CCSER1: variants seen among roughly 807,000 people sequenced by gnomAD.
CCSER1 encodes serine-rich coiled-coil domain-containing protein 1.
Under a neutral mutation model 82.0 loss-of-function variants are expected in CCSER1, and 41 were observed. The ratio of observed to expected loss-of-function variants is 0.50; its 90% CI spans 0.39 to 0.65. The LOEUF is 0.65. CCSER1 is among the 30% of genes least tolerant of loss of function. The probability of loss-of-function intolerance (pLI) is 0.00; values close to 1 mark genes in which losing one functional copy is unlikely to be tolerated. For missense variants in CCSER1, 1,119 were observed against 1,064.2 expected, an observed-to-expected ratio of 1.05 and a Z score of -0.72; for synonymous variants, 414 against 383.9, an observed-to-expected ratio of 1.08 and a Z score of -0.92.
At chr4:90,742,795 T>C (rs1561053786) in intron 7 of CCSER1, among the ~76,000 whole-genome samples, 1 of 152,200 alleles carries the variant, frequency 6.6e-6, no homozygotes, top group Non-Finnish European at 1.5e-5. Context: ...GACTTAAGTG[T>C]TTTATAATGA....
chr4:91,110,248 T>G (rs1352803133), intron 10 of CCSER1, among the ~76,000 whole-genome samples: 1 of 152,044 alleles, frequency 6.6e-6, no homozygotes, highest in Non-Finnish European at 1.5e-5. Context: ...AGCAATGTGA[T>G]GTTGAACAAG....
chr4:90,479,618 T>C (rs534487230), intron 5 of CCSER1, among the ~76,000 whole-genome samples: 5 of 151,606 alleles, frequency 3.3e-5, no homozygotes, highest in Non-Finnish European at 7.4e-5. Flanking sequence ...TAAGTGAGAA[T>C]ATGCGGTGTT....
chr4:90,939,223 A>T (rs1357472696), intron 9 of CCSER1, among the ~76,000 whole-genome samples: 1 of 152,202 alleles, frequency 6.6e-6, no homozygotes, highest in Non-Finnish European at 1.5e-5. Context: ...ATCAAGACCA[A>T]AATATGAAAG....
At chr4:90,674,986 T>G (rs2149171387) in intron 6 of CCSER1, among the ~76,000 whole-genome samples, 1 of 152,150 alleles carries the variant, frequency 6.6e-6, no homozygotes, top group Non-Finnish European at 1.5e-5. Flanking sequence ...AAATGCAGCA[T>G]ATGCTTAGTA....
chr4:91,393,717 C>T (rs1415679556), intron 10 of CCSER1, among the ~76,000 whole-genome samples: 2 of 151,564 alleles, frequency 1.3e-5, no homozygotes, highest in South Asian at 2.1e-4. Flanking sequence ...TTCTTTTTTT[C>T]AATATTTTAT....
intron 10 of CCSER1, among the ~76,000 whole-genome samples, chr4:91,443,796 A>AT (rs926125102): frequency 3.3e-5 from 5 of 149,832 alleles, no homozygotes; most frequent in African/African-American, 1.2e-4. Flanking sequence ...GAAAAATGGG[A>AT]TTTTTATTCA....
chr4:90,499,171 T>C (rs1023282543), intron 5 of CCSER1, among the ~76,000 whole-genome samples: 14 of 151,890 alleles, frequency 9.2e-5, no homozygotes, highest in Admixed American at 2.6e-4. Flanking sequence ...TGTGACATTT[T>C]AAGGCTTTAT....
At chr4:91,380,344 A>G (rs953689398) in intron 10 of CCSER1, among the ~76,000 whole-genome samples, 21 of 152,028 alleles carry the variant, frequency 1.4e-4, no homozygotes, top group African/African-American at 4.8e-4. Context: ...GTTGACAGTG[A>G]GGTGTTAAAG....
At chr4:91,344,543 G>T (rs565977780) in intron 10 of CCSER1, among the ~76,000 whole-genome samples, 1 of 152,004 alleles carries the variant, frequency 6.6e-6, no homozygotes, top group Non-Finnish European at 1.5e-5. Flanking sequence ...ATAATGCAGA[G>T]CTTCCTGTGG....
intron 9 of CCSER1, among the ~76,000 whole-genome samples, chr4:90,986,601 G>A (rs1178915351): frequency 1.3e-5 from 2 of 151,654 alleles, no homozygotes; most frequent in African/African-American, 4.8e-5. Context: ...GAATTAGAGA[G>A]TAGAGGCTAG....
At chr4:90,996,927 G>A (rs1248273255) in intron 9 of CCSER1, among the ~76,000 whole-genome samples, 3 of 151,984 alleles carry the variant, frequency 2.0e-5, no homozygotes, top group Admixed American at 2.0e-4. Flanking sequence ...GATTACTTCT[G>A]GTTGTTAAGT....
At chr4:91,397,375 C>T (rs560851281) in intron 10 of CCSER1, among the ~76,000 whole-genome samples, 1 of 152,078 alleles carries the variant, frequency 6.6e-6, no homozygotes, top group East Asian at 1.9e-4. Flanking sequence ...CCTAACATAG[C>T]CTTTATGCTG....
chr4:90,952,201 C>T (rs1732985502), intron 9 of CCSER1, among the ~76,000 whole-genome samples: 1 of 151,900 alleles, frequency 6.6e-6, no homozygotes, highest in African/African-American at 2.4e-5. Flanking sequence ...AAGAAAATAT[C>T]AAGTCAAACT....
intron 9 of CCSER1, among the ~76,000 whole-genome samples, chr4:91,001,666 C>T (rs995122628): frequency 3.9e-5 from 6 of 152,124 alleles, no homozygotes; most frequent in African/African-American, 1.4e-4. Flanking sequence ...AGGTGAGTCT[C>T]TTGAGAGCAA....
intron 10 of CCSER1, among the ~76,000 whole-genome samples, chr4:91,589,552 C>T (rs1764164145): frequency 6.8e-6 from 1 of 146,648 alleles, no homozygotes; most frequent in African/African-American, 2.5e-5. Flanking sequence ...TGTTGGGCAG[C>T]AGGGTGTCTA....
At chr4:90,409,988 C>T (rs1376633517) in intron 4 of CCSER1, among the ~76,000 whole-genome samples, 4 of 152,090 alleles carry the variant, frequency 2.6e-5, no homozygotes, top group African/African-American at 9.6e-5. Context: ...ATCCTAGTCT[C>T]GGATAAAACA....
chr4:91,266,785 A>G (rs1227748555), intron 10 of CCSER1, among the ~76,000 whole-genome samples: 1 of 152,170 alleles, frequency 6.6e-6, no homozygotes, highest in Non-Finnish European at 1.5e-5. Context: ...ATCTTACCGG[A>G]TAAGTGGACA....
At chr4:91,327,525 A>AG (rs1746656846) in intron 10 of CCSER1, among the ~76,000 whole-genome samples, 1 of 152,134 alleles carries the variant, frequency 6.6e-6, no homozygotes, top group Non-Finnish European at 1.5e-5. Flanking sequence ...CTGTGATGGG[A>AG]GGGGCTGCCA....
At chr4:90,224,694 TG>T (rs1742803130) in intron 1 of CCSER1, among the ~76,000 whole-genome samples, 1 of 152,192 alleles carries the variant, frequency 6.6e-6, no homozygotes, top group Non-Finnish European at 1.5e-5. Context: ...ACAGTTAATG[TG>T]TAATGTTTGG....
Sources: gnomAD v4.1 joint callset for allele counts (sites outside exome capture counted in the v4.1 genomes callset) on GRCh38, gnomAD v4.1.1 for gene constraint, MANE v1.5 for transcripts, NCBI Gene and HGNC (gene_info 2026-07-23, HGNC 2026-07-21) for gene names.